RALYL: variants seen among roughly 807,000 people sequenced by gnomAD.
The protein encoded by RALYL is RALY RNA binding protein like, also known as RNA-binding Raly-like protein.
A neutral mutation model predicts 35.1 loss-of-function variants in RALYL; 29 were observed. That is an observed-to-expected ratio of 0.83 (90% CI 0.61 to 1.13). The LOEUF (loss-of-function observed/expected upper bound fraction) is 1.13, where lower values mean the gene tolerates loss of function less well. Ranked by LOEUF, RALYL falls within the 50% of genes most tolerant of loss-of-function variation. RALYL has a pLI of 0.00. For missense variants in RALYL, 359 were observed against 360.4 expected (o/e 1.00, Z 0.03); for synonymous variants, 120 against 127.6 (o/e 0.94, Z 0.40).
At chr8:84,748,305 T>C (rs1354879443) in intron 2 of RALYL, among the ~76,000 whole-genome samples, 2 of 152,026 alleles carry the variant, frequency 1.3e-5, no homozygotes, top group African/African-American at 4.8e-5. Flanking sequence ...AAATAAAATG[T>C]GCAGCTTTCA....
intron 3 of RALYL, among the ~76,000 whole-genome samples, chr8:84,782,027 G>A (rs541678564): frequency 3.3e-5 from 4 of 121,826 alleles, no homozygotes; most frequent in East Asian, 2.0e-4. Context: ...CTGTGCACAC[G>A]CGCGCACACA....
intron 1 of RALYL, among the ~76,000 whole-genome samples, chr8:84,200,857 C>G (rs1816671135): frequency 6.6e-6 from 1 of 152,098 alleles, no homozygotes; most frequent in Non-Finnish European, 1.5e-5. Flanking sequence ...TTTACTAGTT[C>G]ACAAACTATG....
At chr8:84,206,582 G>A (rs369651492) in intron 1 of RALYL, among the ~76,000 whole-genome samples, 143 of 152,276 alleles carry the variant, frequency 9.4e-4, no homozygotes, top group Middle Eastern at 6.8e-3. Context: ...GGTATGAGGT[G>A]TCTCTAGAAA....
chr8:84,610,468 T>C lies in RALYL; in HGVS notation c.256+80891T>C, dbSNP rs774226789. Among the ~76,000 whole-genome samples the C allele has an allele frequency of 1.4e-4, 21 of 152,284 alleles. No individual in the cohort carries two copies. The Middle Eastern group carries it at 0.01, about 74-fold the overall frequency. Reference sequence around the variant, plus strand: ...AAAGGATACATATATCCTTTATGTATAACTGTTGATTTATAACTGTTGGTG... The same window carrying C: ...AAAGGATACATATATCCTTTATGTACAACTGTTGATTTATAACTGTTGGTG... On this transcript the variant is annotated intron_variant, in intron 2 of 8. Transcript: ENST00000521268.
intron 7 of RALYL, among the ~76,000 whole-genome samples, chr8:84,887,069 G>A (rs747357455): frequency 2.6e-5 from 4 of 152,054 alleles, no homozygotes; most frequent in Non-Finnish European, 5.9e-5. Flanking sequence ...TAAAATTTCC[G>A]GCAATTATTC....
chr8:84,804,810 T>A lies in RALYL; in HGVS notation c.365+8T>A. 1 of 1,096,728 alleles carries A rather than the reference T, an allele frequency of 9.1e-7. No individual in the cohort carries two copies. The highest frequency in any genetic ancestry group is 1.2e-6 in the Non-Finnish European group (1 of 836,078). The allele number at this position is 1,096,728 out of a possible 1,614,324, so 67.9% of individuals were successfully genotyped here. ...ACCTTTCCTGTCTGTTGGGTAAGTATATATTTAAATACTTTAAGTATTAAT... is the reference window on the plus strand; with the variant it reads ...ACCTTTCCTGTCTGTTGGGTAAGTAAATATTTAAATACTTTAAGTATTAAT... On this transcript the variant is annotated splice_region_variant and intron_variant, in intron 4 of 8. Transcript: ENST00000521268.
chr8:84,234,765 A>ATTTTT (rs1179372758), intron 1 of RALYL, among the ~76,000 whole-genome samples: 1 of 136,884 alleles, frequency 7.3e-6, no homozygotes, highest in Admixed American at 7.1e-5. Context: ...TTATTTATTT[A>ATTTTT]TTTATTTTTT....
intron 1 of RALYL, among the ~76,000 whole-genome samples, chr8:84,352,346 A>C (rs1005597529): frequency 1.3e-5 from 2 of 150,526 alleles, no homozygotes; most frequent in African/African-American, 4.9e-5. Context: ...GGAAACTAAT[A>C]AACAAGAGAT....
chr8:84,827,406 A>G (rs1416524283), intron 4 of RALYL, among the ~76,000 whole-genome samples: 1 of 152,148 alleles, frequency 6.6e-6, no homozygotes, highest in African/African-American at 2.4e-5. Flanking sequence ...TAAAAGCCAC[A>G]TACAAAGAAT....
chr8:84,255,848 G>A (rs151142880), intron 1 of RALYL, among the ~76,000 whole-genome samples: 1 of 152,112 alleles, frequency 6.6e-6, no homozygotes, highest in African/African-American at 2.4e-5. Context: ...ATGAATGAAT[G>A]AGATATTGCA....
intron 2 of RALYL, among the ~76,000 whole-genome samples, chr8:84,693,501 G>A (rs1838499892): frequency 6.6e-6 from 1 of 151,842 alleles, no homozygotes; most frequent in African/African-American, 2.4e-5. Flanking sequence ...ACAACACATG[G>A]GGATTATGGG....
intron 2 of RALYL, among the ~76,000 whole-genome samples, chr8:84,744,111 A>T (rs1808042705): frequency 6.6e-6 from 1 of 152,042 alleles, no homozygotes; most frequent in South Asian, 2.1e-4. Context: ...TGTATTTGGC[A>T]ACAATTTTTA....
intron 2 of RALYL, among the ~76,000 whole-genome samples, chr8:84,655,224 C>G (rs970603699): frequency 2.0e-5 from 3 of 151,856 alleles, no homozygotes; most frequent in African/African-American, 7.3e-5. Flanking sequence ...ATGCTGTTTC[C>G]CATTTGTATG....
chr8:84,199,185 A>G (rs1185228506), intron 1 of RALYL, among the ~76,000 whole-genome samples: 1 of 151,868 alleles, frequency 6.6e-6, no homozygotes, highest in Non-Finnish European at 1.5e-5. Flanking sequence ...GATGTAAGTC[A>G]TTTTACCTGG....
At chr8:84,353,616 T>G (rs1352728557) in intron 1 of RALYL, among the ~76,000 whole-genome samples, 1 of 150,298 alleles carries the variant, frequency 6.7e-6, no homozygotes, top group Non-Finnish European at 1.5e-5. Context: ...TGAGAAAGTA[T>G]GAATCATTTT....
rs530774611 is a variant in RALYL at position 84,900,801 on chromosome 8, G to GA, written c.858+13025_858+13026insA. On this transcript the variant is annotated intron_variant, in intron 8 of 8. Transcript: ENST00000521268. ...AAGTGACCACAATGTTAGTGTCATA[G>GA]CAAAAATAGCAATGGATGAAGTTAA... 4.5e-4 allele frequency among the ~76,000 whole-genome samples: 68 copies of GA among 152,278 alleles called. No homozygotes were observed. In the South Asian group the frequency reaches 0.013, roughly 30 times the overall value.
At chr8:84,500,594 A>G (rs764450255) in intron 1 of RALYL, among the ~76,000 whole-genome samples, 20 of 152,186 alleles carry the variant, frequency 1.3e-4, no homozygotes, top group Non-Finnish European at 2.9e-4. Context: ...GGAAGTTAAT[A>G]TGAATATTTG....
At chr8:84,781,171 T>A (rs1818059985) in intron 3 of RALYL, among the ~76,000 whole-genome samples, 1 of 152,144 alleles carries the variant, frequency 6.6e-6, no homozygotes, top group Non-Finnish European at 1.5e-5. Flanking sequence ...CTTTGAAAGG[T>A]TATTTTATAT....
intron 4 of RALYL, among the ~76,000 whole-genome samples, chr8:84,823,466 G>A (rs923903517): frequency 6.6e-6 from 1 of 152,132 alleles, no homozygotes; most frequent in Non-Finnish European, 1.5e-5. Context: ...ACAAAGCCAG[G>A]TGGGTTTAGT....
Sources: allele counts gnomAD v4.1 joint callset (sites outside exome capture counted in the v4.1 genomes callset), GRCh38; gene constraint gnomAD v4.1.1; transcripts MANE v1.5; gene names NCBI Gene and HGNC (gene_info 2026-07-23, HGNC 2026-07-21).